Variants in RBFOX1 observed in about 807,000 individuals in gnomAD.
RBFOX1 encodes RNA binding protein fox-1 homolog 1.
RBFOX1 carries 8 observed loss-of-function variants against 57.7 expected under a neutral mutation model. The ratio of observed to expected loss-of-function variants is 0.14; its 90% CI spans 0.08 to 0.25. The LOEUF is 0.25. Among genes scored for constraint, RBFOX1 ranks in the 10% least tolerant of loss-of-function variants. The pLI, the probability that RBFOX1 is intolerant of heterozygous loss-of-function variation, is 1.00. For missense variants in RBFOX1, 611 were observed against 548.5 expected, an observed-to-expected ratio of 1.11 and a Z score of -1.14; for synonymous variants, 326 against 222.4, an observed-to-expected ratio of 1.47 and a Z score of -4.15.
At chr16:6,798,820 T>C (rs1603626102) in intron 3 of RBFOX1, among the ~76,000 whole-genome samples, 1 of 152,142 alleles carries the variant, frequency 6.6e-6, no homozygotes, top group African/African-American at 2.4e-5. Context: ...GTGATTAGAT[T>C]GTGTTCCCTA....
At chr16:5,265,481 G>C (rs2062835092) in intron 1 of RBFOX1, among the ~76,000 whole-genome samples, 1 of 152,174 alleles carries the variant, frequency 6.6e-6, no homozygotes, top group Admixed American at 6.5e-5. Context: ...TGAGAACCCA[G>C]AGAATTGGAT....
intron 5 of RBFOX1, among the ~76,000 whole-genome samples, chr16:7,525,752 G>A (rs2078559941): frequency 6.6e-6 from 1 of 152,132 alleles, no homozygotes; most frequent in African/African-American, 2.4e-5. Context: ...ATCATGCTAG[G>A]CCCTCTTTTG....
At chr16:7,006,339 G>A (rs1272438044) in intron 3 of RBFOX1, among the ~76,000 whole-genome samples, 1 of 152,072 alleles carries the variant, frequency 6.6e-6, no homozygotes, top group Non-Finnish European at 1.5e-5. Flanking sequence ...ATTTTTAGTA[G>A]GGACGGGGTT....
chr16:7,265,382 A>G (rs897495424), intron 4 of RBFOX1, among the ~76,000 whole-genome samples: 36 of 151,356 alleles, frequency 2.4e-4, no homozygotes, highest in Non-Finnish European at 3.4e-4. Flanking sequence ...TGGAGGGAAG[A>G]TGTCTTTTCT....
intron 14 of RBFOX1, among the ~76,000 whole-genome samples, chr16:7,701,853 A>G (rs59158207): frequency 0.057 from 8,631 of 152,192 alleles, 641 homozygotes; most frequent in East Asian, 0.22. Flanking sequence ...TAGATAAACC[A>G]TTGCTTTCTG....
chr16:5,611,846 T>A (rs2047825243), intron 3 of RBFOX1, among the ~76,000 whole-genome samples: 1 of 123,866 alleles, frequency 8.1e-6, no homozygotes, highest in African/African-American at 3.1e-5. Flanking sequence ...GTCACTCAGC[T>A]ACTGTGTGCA....
rs1046323670 is a variant in RBFOX1, at chr16:5,502,995, C to T, written c.258+35741C>T. ...CTATTTAGACGTGTCCAATACACAT[C>T]TCTCCTAAAATATTTCCTCTTTCTT... On this transcript the variant is annotated intron_variant, in intron 2 of 2. Coordinates refer to the RBFOX1 transcript ENST00000585867. Among the ~76,000 whole-genome samples, 9 of 152,214 alleles carry T rather than the reference C, an allele frequency of 5.9e-5. No individual in the cohort carries two copies. In the East Asian group the frequency reaches 1.5e-3, roughly 26 times the overall value.
At chr16:6,628,934 A>G (rs966350451) in intron 2 of RBFOX1, among the ~76,000 whole-genome samples, 5 of 152,138 alleles carry the variant, frequency 3.3e-5, no homozygotes, top group African/African-American at 1.2e-4. Flanking sequence ...GGAGGCTGAG[A>G]CAGGAGAATT....
intron 1 of RBFOX1, among the ~76,000 whole-genome samples, chr16:6,249,474 A>G (rs1038942503): frequency 5.9e-5 from 9 of 152,212 alleles, no homozygotes; most frequent in Admixed American, 2.0e-4. Context: ...TAGTGAGCCA[A>G]GATCGTGCCA....
intron 1 of RBFOX1, among the ~76,000 whole-genome samples, chr16:6,265,759 C>T (rs1418433702): frequency 6.6e-6 from 1 of 152,130 alleles, no homozygotes; most frequent in Non-Finnish European, 1.5e-5. Context: ...GTACTTTTAG[C>T]TTCAGCCTTT....
intron 1 of RBFOX1, among the ~76,000 whole-genome samples, chr16:6,150,167 GT>G (rs2096787615): frequency 6.6e-6 from 1 of 152,200 alleles, no homozygotes. Flanking sequence ...GCTGCTGGAG[GT>G]AATGCTGAGA....
chr16:7,255,154 T>C (rs1400797290), intron 4 of RBFOX1, among the ~76,000 whole-genome samples: 2 of 152,122 alleles, frequency 1.3e-5, no homozygotes, highest in Non-Finnish European at 2.9e-5. Context: ...TGTTGAAAAA[T>C]AGAAAGATAG....
intron 4 of RBFOX1, among the ~76,000 whole-genome samples, chr16:5,897,576 A>G (rs1400265861): frequency 6.6e-6 from 1 of 152,164 alleles, no homozygotes; most frequent in East Asian, 1.9e-4. Flanking sequence ...CTTAATATAA[A>G]AGAGAAACTC....
chr16:7,054,606 C>T (rs892506387), intron 4 of RBFOX1, among the ~76,000 whole-genome samples: 1 of 151,356 alleles, frequency 6.6e-6, no homozygotes, highest in Admixed American at 6.6e-5. Flanking sequence ...AATACCTGTC[C>T]ATCTCAATGA....
intron 3 of RBFOX1, among the ~76,000 whole-genome samples, chr16:6,746,806 G>A (rs1324422026): frequency 6.6e-6 from 1 of 152,102 alleles, no homozygotes; most frequent in African/African-American, 2.4e-5. Flanking sequence ...GCCAAAGTTT[G>A]CTAGTGATCC....
At chr16:6,325,925 C>T (rs1274441433) in intron 2 of RBFOX1, among the ~76,000 whole-genome samples, 1 of 152,180 alleles carries the variant, frequency 6.6e-6, no homozygotes, top group Admixed American at 6.5e-5. Context: ...ACAGTTGGTA[C>T]ACAGTAAACA....
At chr16:5,858,470 C>T (rs1268173431) in intron 3 of RBFOX1, among the ~76,000 whole-genome samples, 1 of 152,148 alleles carries the variant, frequency 6.6e-6, no homozygotes, top group Non-Finnish European at 1.5e-5. Context: ...TTTGCCAGGC[C>T]CTCCCTGATC....
At chr16:6,070,818 C>T (rs1022275663) in intron 1 of RBFOX1, among the ~76,000 whole-genome samples, 1 of 142,096 alleles carries the variant, frequency 7.0e-6, no homozygotes, top group Non-Finnish European at 1.5e-5. Flanking sequence ...CACACGCTCG[C>T]CCCCCCCACA....
intron 1 of RBFOX1, among the ~76,000 whole-genome samples, chr16:6,051,480 A>G (rs1036089398): frequency 6.6e-6 from 1 of 151,990 alleles, no homozygotes; most frequent in African/African-American, 2.4e-5. Context: ...GGTGCCTTCC[A>G]CCACACCCAG....
Sources: allele counts gnomAD v4.1 joint callset (sites outside exome capture counted in the v4.1 genomes callset), GRCh38; gene constraint gnomAD v4.1.1; transcripts MANE v1.5; gene names NCBI Gene and HGNC (gene_info 2026-07-23, HGNC 2026-07-21).